Variants in SPATA13 observed in about 807,000 individuals in gnomAD.
SPATA13 encodes the protein spermatogenesis associated 13, also known as spermatogenesis-associated protein 13.
SPATA13 carries 50 observed loss-of-function variants against 104.0 expected under a neutral mutation model. That is an observed-to-expected ratio of 0.48 (90% CI 0.38 to 0.61). SPATA13 has a LOEUF of 0.61. Among genes scored for constraint, SPATA13 ranks in the 20% least tolerant of loss-of-function variants. The pLI is 0.00. For missense variants in SPATA13, 1,524 were observed against 1,690.6 expected (o/e 0.90, Z 1.73); for synonymous variants, 606 against 667.5 (o/e 0.91, Z 1.42).
intron 3 of SPATA13, among the ~76,000 whole-genome samples, chr13:24,119,342 T>C (rs1468606879): frequency 1.3e-5 from 2 of 152,182 alleles, no homozygotes; most frequent in Admixed American, 6.5e-5. Context: ...TTCCCAGGAA[T>C]ATTTTAAAAG....
At chr13:23,990,041 GC>G (rs989049680) in intron 2 of SPATA13, among the ~76,000 whole-genome samples, 2 of 152,132 alleles carry the variant, frequency 1.3e-5, no homozygotes, top group African/African-American at 4.8e-5. Flanking sequence ...TGTTACAGCA[GC>G]CCAAACAGAG....
At chr13:24,014,971 A>G (rs2137691161) in intron 2 of SPATA13, among the ~76,000 whole-genome samples, 1 of 144,352 alleles carries the variant, frequency 6.9e-6, no homozygotes, top group South Asian at 2.2e-4. Context: ...GCTCACTGCA[A>G]GCTCCACTTC....
intron 3 of SPATA13, among the ~76,000 whole-genome samples, chr13:24,057,810 T>G (rs372869728): frequency 2.4e-4 from 37 of 151,828 alleles, no homozygotes; most frequent in African/African-American, 8.7e-4. Context: ...AGCCTTCCCC[T>G]TGGAGGTCCA....
At chr13:24,047,786 A>C (rs141700551) in intron 3 of SPATA13, among the ~76,000 whole-genome samples, 1 of 152,226 alleles carries the variant, frequency 6.6e-6, no homozygotes, top group Admixed American at 6.5e-5. Flanking sequence ...ATGGAAAGAG[A>C]CTTATGATGA....
chr13:24,132,720 T>C (rs963581709), intron 3 of SPATA13, among the ~76,000 whole-genome samples: 2 of 152,150 alleles, frequency 1.3e-5, no homozygotes, highest in South Asian at 2.1e-4. Context: ...ACATCTGTAA[T>C]TGCAGCACTT....
intron 1 of SPATA13, among the ~76,000 whole-genome samples, chr13:23,981,879 G>A (rs1041131): frequency 0.14 from 20,626 of 152,124 alleles, 1,773 homozygotes; most frequent in Admixed American, 0.26. Flanking sequence ...CAATAACTGT[G>A]ATGCAATTTT....
intron 7 of SPATA13, among the ~76,000 whole-genome samples, 174 bp downstream of exon 7, chr13:24,287,124 G>A (rs886419014): frequency 5.3e-5 from 8 of 151,028 alleles, no homozygotes; most frequent in African/African-American, 1.5e-4. Flanking sequence ...TGTCCTAGCT[G>A]TTGGTGGAGG....
intron 1 of SPATA13, among the ~76,000 whole-genome samples, chr13:24,176,378 A>G (rs1868437318): frequency 6.6e-6 from 1 of 152,234 alleles, no homozygotes; most frequent in South Asian, 2.1e-4. Context: ...GAAGGGCAGC[A>G]AAGACCTTGG....
At chr13:24,300,910 G>A (rs935850867) in intron 12 of SPATA13, among the ~76,000 whole-genome samples, 1 of 152,164 alleles carries the variant, frequency 6.6e-6, no homozygotes, top group Non-Finnish European at 1.5e-5. Flanking sequence ...TCTAGTTTAA[G>A]TAAGAAAAAG....
rs1871784254 is a variant in SPATA13 at position 24,224,097 on chromosome 13, GC to G, written c.1173del (p.Gly392ValfsTer12). On this transcript the variant is annotated frameshift_variant, in exon 2 of 13. Transcript: ENST00000382108. LOFTEE classifies it high-confidence loss of function. ...MHGTTATCTV[A>X]PGFGSATSKG... ...TGGGACCACTGCAACCTGCACCGTG[GC>G]CCCCGGTTTCGGCTCAGCCACCTCT... 1.3e-6 allele frequency: 2 copies of G among 1,551,384 alleles called. No homozygotes were observed. The highest frequency in any genetic ancestry group is 1.2e-5 in the South Asian group (1 of 84,060).
chr13:24,227,421 T>A (rs1165059811), intron 2 of SPATA13, among the ~76,000 whole-genome samples: 5 of 152,344 alleles, frequency 3.3e-5, no homozygotes, highest in Admixed American at 1.3e-4. Context: ...ATATCAAATT[T>A]AATTTCTACC....
At chr13:24,124,880 AT>A (rs991272997) in intron 3 of SPATA13, among the ~76,000 whole-genome samples, 1 of 151,774 alleles carries the variant, frequency 6.6e-6, no homozygotes, top group African/African-American at 2.4e-5. Context: ...TTTTTGTCTT[AT>A]TTTTTTTCTA....
chr13:23,994,847 T>C (rs1875601212), intron 2 of SPATA13, among the ~76,000 whole-genome samples: 1 of 152,200 alleles, frequency 6.6e-6, no homozygotes, highest in African/African-American at 2.4e-5. Context: ...CCCTACATTT[T>C]AGGCCAAAAG....
chr13:24,117,098 A>T (rs977768477), intron 3 of SPATA13, among the ~76,000 whole-genome samples: 1 of 152,224 alleles, frequency 6.6e-6, no homozygotes, highest in Non-Finnish European at 1.5e-5. Flanking sequence ...AAGCTTACTA[A>T]GATAATCAGT....
chr13:24,072,097 A>G (rs1381776704), intron 3 of SPATA13, among the ~76,000 whole-genome samples: 2 of 152,248 alleles, frequency 1.3e-5, no homozygotes, highest in African/African-American at 2.4e-5. Flanking sequence ...AATTGGAGAA[A>G]GTACAAAATT....
chr13:24,216,512 A>G (rs544702715), intron 1 of SPATA13, among the ~76,000 whole-genome samples: 1 of 152,308 alleles, frequency 6.6e-6, no homozygotes, highest in South Asian at 2.1e-4. Context: ...TCAATTCACA[A>G]ACATTGAACT....
At chr13:24,093,888 G>T (rs1277068774) in intron 3 of SPATA13, among the ~76,000 whole-genome samples, 2 of 152,096 alleles carry the variant, frequency 1.3e-5, no homozygotes, top group African/African-American at 2.4e-5. Context: ...CCTTCTGGGT[G>T]GGGGGACCTG....
chr13:24,060,621 G>T (rs574696502), intron 3 of SPATA13, among the ~76,000 whole-genome samples: 2 of 152,292 alleles, frequency 1.3e-5, no homozygotes, highest in South Asian at 2.1e-4. Flanking sequence ...CACAGCAAAA[G>T]AAACTATCAA....
intron 3 of SPATA13, among the ~76,000 whole-genome samples, chr13:24,116,011 G>A (rs144639411): frequency 1.3e-5 from 2 of 152,298 alleles, no homozygotes; most frequent in African/African-American, 4.8e-5. Context: ...GAAGTCACAC[G>A]CCATCATTTC....
Sources: gnomAD v4.1 joint callset for allele counts (sites outside exome capture counted in the v4.1 genomes callset) on GRCh38, gnomAD v4.1.1 for gene constraint, MANE v1.5 for transcripts, NCBI Gene and HGNC (gene_info 2026-07-23, HGNC 2026-07-21) for gene names.